EP400: variants seen among roughly 807,000 people sequenced by gnomAD.
EP400 encodes E1A binding protein p400, also known as E1A-binding protein p400.
Under a neutral mutation model 354.1 loss-of-function variants are expected in EP400, and 105 were observed. The ratio of observed to expected loss-of-function variants is 0.30; its 90% confidence interval spans 0.25 to 0.35. The LOEUF (loss-of-function observed/expected upper bound fraction) is 0.35. EP400 is among the 10% of genes least tolerant of loss of function. EP400 has a pLI of 1.00. For synonymous variants in EP400, 1,646 were observed against 1,716.9 expected (o/e 0.96, Z 1.02); for missense variants, 3,280 against 4,121.0 (o/e 0.80, Z 5.59).
chr12:132,037,617 G>A (rs1340948496), intron 30 of EP400, 65 bp from the exon 31 acceptor site: 1 of 1,285,374 alleles, frequency 7.8e-7, no homozygotes, highest in Non-Finnish European at 1.1e-6. Context: ...TCTGCATGCT[G>A]TGCCCACCTG....
rs1895846289 is a variant in EP400 at position 132,065,097 on chromosome 12, A to T, written c.8553+211A>T. The T allele has an allele frequency of 2.1e-5, 19 of 886,364 alleles. No homozygotes were observed. The East Asian group carries it at 5.1e-4, about 24-fold the overall frequency. 54.9% of individuals were successfully genotyped at this position (886,364 alleles called of 1,614,324 possible). A position where few individuals can be genotyped will look rare whatever the true frequency, so the allele number is the denominator to read the frequency against. On this transcript the variant is annotated intron_variant, in intron 48 of 52. Transcript: ENST00000389561. Reference sequence around the variant, plus strand: ...AGCAGCTCCCAGAGCCCATCCAGGCATCACCAAGCTTCTCAGGGCTTGAAT... The same window carrying T: ...AGCAGCTCCCAGAGCCCATCCAGGCTTCACCAAGCTTCTCAGGGCTTGAAT...
In EP400 at chr12:132,021,208, C is replaced by T. The variant is rs774137550; in HGVS notation, c.4577C>T (p.Ala1526Val). 1 of 1,598,874 alleles carries T rather than the reference C, an allele frequency of 6.3e-7. No individual in the cohort carries two copies. The highest frequency in any genetic ancestry group is 8.5e-7 in the Non-Finnish European group (1 of 1,178,964). ...AKLRAQTTAQ[A>V]STPGQPPPQP... The stretch of plus-strand genomic sequence containing the variant: ...CTGCGGGCCCAGACCACAGCACAGG[C>T]CTCCACCCCAGGCCAGCCCCCGCCC... Residue 1526 changes from alanine (A) to valine (V), a missense_variant, in exon 23 of 53, where the codon GCC (alanine) becomes GTC (valine). By Grantham distance (64) the Ala-to-Val change is moderately conservative (BLOSUM62 0). Around this residue, in one of 20 missense-constraint regions of EP400, gnomAD observed 342 missense variants for 342.7 expected, o/e 1.00. Coordinates refer to ENST00000389561, the MANE Select transcript of EP400 (RefSeq NM_015409.5).
chr12:131,959,979 A>C (rs1891821533), intron 1 of EP400, among the ~76,000 whole-genome samples: 1 of 152,184 alleles, frequency 6.6e-6, no homozygotes, highest in African/African-American at 2.4e-5. Flanking sequence ...GTTGATAAGA[A>C]CTACTGGCTG....
At position 132,050,132 on chromosome 12, in the gene EP400, G is replaced by C. The variant is rs192173006; in HGVS notation, c.7201-191G>C. Reference sequence around the variant, plus strand: ...TGGACTGGAGAGTGTCACAGCAGTCGGCCGCGACAGCCACTTAATGCCGCT... The same window carrying C: ...TGGACTGGAGAGTGTCACAGCAGTCCGCCGCGACAGCCACTTAATGCCGCT... On this transcript the variant is annotated intron_variant, in intron 39 of 52. Coordinates refer to ENST00000389561, the MANE Select transcript of EP400 (RefSeq NM_015409.5). The surrounding 1 kb of genome is among the most constrained non-coding windows in gnomAD (Gnocchi z 4.8). Among the ~76,000 whole-genome samples the C allele has an allele frequency of 6.6e-6, 1 of 152,118 alleles. No homozygotes were observed. Among genetic ancestry groups the C allele is most frequent in the African/African-American group, 2.4e-5 (1 of 41,414 alleles).
rs1448793681 is a variant in EP400 at position 131,963,731 on chromosome 12, A to G, written c.1335+1777A>G. On this transcript the variant is annotated intron_variant, in intron 2 of 52. Transcript: ENST00000389561. ...ACCTTCGATATACTACTTGCTCTTC[A>G]GCATTTTTTTTCCAGAGCCCATTTC... 3 of 1,013,556 alleles carry G rather than the reference A, an allele frequency of 3.0e-6. No individual in the cohort carries two copies. The African/African-American group carries it at 4.8e-5, about 16-fold the overall frequency. The allele number at this position is 1,013,556 out of a possible 1,614,324, so 62.8% of individuals were successfully genotyped here.
chr12:131,958,864 T>C (rs1891787570), intron 1 of EP400, among the ~76,000 whole-genome samples: 1 of 152,226 alleles, frequency 6.6e-6, no homozygotes, highest in Non-Finnish European at 1.5e-5. Flanking sequence ...AAATCCGTTG[T>C]CCATTTTCTC....
chr12:132,073,921 T>G (rs866241902), intron 51 of EP400, among the ~76,000 whole-genome samples: 7 of 114,838 alleles, frequency 6.1e-5, no homozygotes, highest in South Asian at 3.0e-4. Context: ...TTTTTGGGGT[T>G]TTTTTTTTTT....
At chr12:131,973,033 A>AT (rs1251355205) in intron 2 of EP400, among the ~76,000 whole-genome samples, 13 of 152,228 alleles carry the variant, frequency 8.5e-5, no homozygotes, top group Admixed American at 3.9e-4. Context: ...TGCCTGACTG[A>AT]TTTTTTAAAT....
rs1300417917 is a variant in EP400 at position 131,998,717 on chromosome 12, A to G, written c.2827+3761A>G. ...TTTGTATACAGTCTTGTATACAAAG[A>G]CTTTGTATACAGTCTTGTATACAAA... On this transcript the variant is annotated intron_variant, in intron 12 of 52. Coordinates refer to ENST00000389561, the MANE Select transcript of EP400 (RefSeq NM_015409.5). Among the ~76,000 whole-genome samples, 4 of 69,798 alleles carry G rather than the reference A, an allele frequency of 5.7e-5. No homozygotes were observed. The East Asian group carries it at 2.4e-3, about 42-fold the overall frequency. 45.8% of individuals were successfully genotyped at this position (69,798 alleles called of 152,430 possible).
intron 24 of EP400, among the ~76,000 whole-genome samples, chr12:132,024,264 T>A (rs1894222750): frequency 6.6e-6 from 1 of 152,156 alleles, no homozygotes; most frequent in African/African-American, 2.4e-5. Context: ...TCCAAGCTAC[T>A]CAGGAGGCTG....
intron 30 of EP400, among the ~76,000 whole-genome samples, chr12:132,034,220 A>G (rs1159984598): frequency 1.3e-5 from 2 of 152,222 alleles, no homozygotes; most frequent in South Asian, 4.1e-4. Context: ...CAGAAATTGG[A>G]AAAGTGTTGT....
chr12:131,957,475 T>C (rs1014003688), intron 1 of EP400, among the ~76,000 whole-genome samples: 34 of 151,704 alleles, frequency 2.2e-4, no homozygotes, highest in African/African-American at 7.7e-4. Context: ...TTTTGGTTTT[T>C]TTTTTTTCCT....
At chr12:132,030,285 G>C in intron 29 of EP400, 127 bp downstream of exon 29, 1 of 1,145,408 alleles carries the variant, frequency 8.7e-7, no homozygotes, top group Non-Finnish European at 1.2e-6. Context: ...ATGAGCTTCT[G>C]AACTTTTTAA....
Position 132,050,972 on chromosome 12 carries a change from C to T in EP400, c.7394+317C>T. The T allele has an allele frequency of 2.1e-6, 1 of 481,068 alleles. No individual in the cohort carries two copies. The highest frequency in any genetic ancestry group is 2.3e-5 in the South Asian group (1 of 43,050). 29.8% of individuals were successfully genotyped at this position (481,068 alleles called of 1,614,324 possible). A position where few individuals can be genotyped will look rare whatever the true frequency, so the allele number is the denominator to read the frequency against. ...AAGGGGCTTTCTTCCTCACACCCCA[C>T]CTCTCAGGCACTGATTTTGTTCGCC... On this transcript the variant is annotated intron_variant, in intron 41 of 52. Coordinates refer to ENST00000389561, the MANE Select transcript of EP400 (RefSeq NM_015409.5). The surrounding 1 kb of genome is among the most constrained non-coding windows in gnomAD (Gnocchi z 4.8).
At position 132,018,189 on chromosome 12, in the gene EP400, T is replaced by G. The variant is rs1465874925; in HGVS notation, c.4111-21T>G. The G allele has an allele frequency of 6.2e-7, 1 of 1,604,968 alleles. No homozygotes were observed. The highest frequency in any genetic ancestry group is 8.5e-7 in the Non-Finnish European group (1 of 1,177,932). The stretch of plus-strand genomic sequence containing the variant: ...TTTTTGCCTCTTCATGCAGCAAGAC[T>G]TTTTTTCTTTTTCTCTCTAGGAAGC... On this transcript the variant is annotated intron_variant, in intron 20 of 52. Coordinates refer to ENST00000389561, the MANE Select transcript of EP400 (RefSeq NM_015409.5). This position sits in a 1 kb window ranked among gnomAD's most constrained non-coding sequence, Gnocchi z 4.0.
rs1896033148 is a variant in EP400 at position 132,070,439 on chromosome 12, C to CA, written c.9021+799dup. 6.6e-6 allele frequency among the ~76,000 whole-genome samples: 1 copy of CA among 152,264 alleles called. No homozygotes were observed. Among genetic ancestry groups the CA allele is most frequent in the Non-Finnish European group, 1.5e-5 (1 of 68,054 alleles). ...TGGGGAAGTTCAGGGCTTCTTGTCT[C>CA]AGAGGCCATGCTGGTCCCACGGCGC... On this transcript the variant is annotated intron_variant, in intron 51 of 52. Coordinates refer to ENST00000389561, the MANE Select transcript of EP400 (RefSeq NM_015409.5). The surrounding 1 kb of genome is among the most constrained non-coding windows in gnomAD (Gnocchi z 4.1).
intron 30 of EP400, among the ~76,000 whole-genome samples, chr12:132,033,476 G>T (rs978007979): frequency 1.3e-5 from 2 of 151,970 alleles, no homozygotes; most frequent in Non-Finnish European, 2.9e-5. Context: ...GACAAATATG[G>T]TCCCTGCATG....
rs139343447 is a variant in EP400 at position 131,957,753 on chromosome 12, G to A, written c.-35-2832G>A. On this transcript the variant is annotated intron_variant, in intron 1 of 52. Transcript: ENST00000389561. The stretch of plus-strand genomic sequence containing the variant: ...TGGGATTACAGACGTGTGCTACCAC[G>A]CCCAGCTAATTTTTGTATTTTTAGT... 2.3e-3 allele frequency among the ~76,000 whole-genome samples: 353 copies of A among 151,980 alleles called. 2 individuals carry two copies. The highest frequency in any genetic ancestry group is 0.021 in the Middle Eastern group (6 of 292).
intron 45 of EP400, among the ~76,000 whole-genome samples, chr12:132,060,812 G>A (rs976816640): frequency 3.3e-5 from 5 of 152,008 alleles, no homozygotes; most frequent in African/African-American, 1.2e-4. Context: ...TATTCAGGAG[G>A]CTGAGGCAGG....
Sources: allele counts gnomAD v4.1 joint callset (sites outside exome capture counted in the v4.1 genomes callset), GRCh38; gene constraint gnomAD v4.1.1; regional missense constraint gnomAD v4.1.1; non-coding constraint Gnocchi (gnomAD v3.1); transcripts MANE v1.5; gene names NCBI Gene and HGNC (gene_info 2026-07-23, HGNC 2026-07-21).